Variants in EXOC4 observed in about 807,000 individuals in gnomAD.
EXOC4 encodes exocyst complex component 4, also known as SEC8-like 1.
A neutral mutation model predicts 107.2 loss-of-function variants in EXOC4; 71 were observed. That is an observed-to-expected ratio of 0.66 (90% CI 0.55 to 0.81). The LOEUF (loss-of-function observed/expected upper bound fraction) is 0.81, where lower values mean the gene tolerates loss of function less well. EXOC4 is among the 30% of genes least tolerant of loss of function. The probability of loss-of-function intolerance (pLI) is 0.00; values close to 1 mark genes in which losing one functional copy is unlikely to be tolerated. For missense variants in EXOC4, 1,108 were observed against 1,189.6 expected (o/e 0.93, Z 1.01); for synonymous variants, 456 against 441.2 (o/e 1.03, Z -0.42).
chr7:133,917,170 A>C (rs567452355), intron 12 of EXOC4, among the ~76,000 whole-genome samples: 1 of 152,216 alleles, frequency 6.6e-6, no homozygotes, highest in Non-Finnish European at 1.5e-5. Flanking sequence ...TCCAGAGTAC[A>C]ACCTTTTGTA....
chr7:133,703,007 T>G (rs1794698561), intron 10 of EXOC4, among the ~76,000 whole-genome samples: 1 of 152,268 alleles, frequency 6.6e-6, no homozygotes, highest in Non-Finnish European at 1.5e-5. Context: ...TCATTATCAA[T>G]GTTAAATTTC....
intron 9 of EXOC4, among the ~76,000 whole-genome samples, chr7:133,512,290 C>T (rs1799784067): frequency 6.6e-6 from 1 of 152,016 alleles, no homozygotes; most frequent in Non-Finnish European, 1.5e-5. Flanking sequence ...ATTAGCCAGG[C>T]GTGGTGGCTC....
At chr7:134,073,230 A>AAAAAC in the EXOC4 span, among the ~76,000 whole-genome samples, 19 of 18,418 alleles carry the variant, frequency 1.0e-3, no homozygotes, top group African/African-American at 3.5e-3. Flanking sequence ...AAAAAAAAAA[A>AAAAAC]AACAACAAAG....
intron 5 of EXOC4, among the ~76,000 whole-genome samples, chr7:133,351,128 G>T: frequency 6.6e-6 from 1 of 151,860 alleles, no homozygotes; most frequent in Non-Finnish European, 1.5e-5. Context: ...TTTTGTTGAG[G>T]ATTTTTACAT....
Position 134,004,938 on chromosome 7 carries a change from C to A in EXOC4, c.2375C>A (p.Pro792His). 6.2e-7 allele frequency: 1 copy of A among 1,613,270 alleles called. No homozygotes were observed. The highest frequency in any genetic ancestry group is 1.3e-5 in the African/African-American group (1 of 74,974). ...GTTCACTGTTTCCACTATCTTATCCCTCTTGCAAAGGAGGGGAACTATGCC... is the reference window on the plus strand; with the variant it reads ...GTTCACTGTTTCCACTATCTTATCCATCTTGCAAAGGAGGGGAACTATGCC... Reference protein sequence around the residue: ...VRVHCFHYLIPLAKEGNYAIV... With the variant: ...VRVHCFHYLIHLAKEGNYAIV... The change falls in exon 16 of 18, where the codon CCT (proline) becomes CAT (histidine). Residue 792 changes from proline to histidine, a missense_variant. Pro to His is a moderately conservative substitution (Grantham distance 77). Coordinates refer to ENST00000253861, the MANE Select transcript of EXOC4 (RefSeq NM_021807.4).
chr7:133,439,262 G>T (rs1321774002), intron 7 of EXOC4, among the ~76,000 whole-genome samples: 1 of 131,570 alleles, frequency 7.6e-6, no homozygotes, highest in African/African-American at 2.9e-5. Flanking sequence ...TCGGCTTACT[G>T]CAACCTCCGC....
At chr7:133,845,436 T>C (rs1278353128) in intron 11 of EXOC4, among the ~76,000 whole-genome samples, 1 of 148,250 alleles carries the variant, frequency 6.7e-6, no homozygotes, top group Non-Finnish European at 1.5e-5. Flanking sequence ...ATATACTAGA[T>C]ATATAAGATA....
intron 10 of EXOC4, among the ~76,000 whole-genome samples, chr7:133,812,366 C>T (rs911772401): frequency 1.3e-5 from 2 of 152,154 alleles, no homozygotes; most frequent in African/African-American, 4.8e-5. Context: ...TTACAGAAGA[C>T]ACAAGTAAAG....
chr7:133,712,528 G>A (rs575791782), intron 10 of EXOC4, among the ~76,000 whole-genome samples: 1 of 148,372 alleles, frequency 6.7e-6, no homozygotes, highest in Admixed American at 6.7e-5. Flanking sequence ...CATGATGCAT[G>A]ATGGCAGGTT....
At chr7:133,354,964 T>C (rs1033104777) in intron 5 of EXOC4, among the ~76,000 whole-genome samples, 17 of 152,146 alleles carry the variant, frequency 1.1e-4, no homozygotes, top group Non-Finnish European at 1.9e-4. Context: ...TACTCTGCAG[T>C]CTTCCCAGAA....
intron 7 of EXOC4, among the ~76,000 whole-genome samples, chr7:133,461,938 T>G (rs1439386330): frequency 6.6e-6 from 1 of 152,140 alleles, no homozygotes; most frequent in Non-Finnish European, 1.5e-5. Flanking sequence ...CTGTATGGGT[T>G]TTAATTAGAG....
At chr7:133,423,732 G>A (rs867001815) in intron 7 of EXOC4, among the ~76,000 whole-genome samples, 1 of 152,176 alleles carries the variant, frequency 6.6e-6, no homozygotes, top group African/African-American at 2.4e-5. Context: ...TCCTCTGCTC[G>A]TGGGGAGGTG....
chr7:133,838,458 C>T (rs1276073477), intron 11 of EXOC4, among the ~76,000 whole-genome samples: 1 of 152,164 alleles, frequency 6.6e-6, no homozygotes, highest in East Asian at 1.9e-4. Flanking sequence ...GCAAGCAGCC[C>T]TCTTCTCTGC....
chr7:133,676,903 T>TTATTGGGGG (rs1247542697), intron 10 of EXOC4, among the ~76,000 whole-genome samples: 1 of 149,530 alleles, frequency 6.7e-6, no homozygotes, highest in Non-Finnish European at 1.5e-5. Flanking sequence ...AAAAAATAAA[T>TTATTGGGGG]TATTGGGGGG....
intron 10 of EXOC4, among the ~76,000 whole-genome samples, chr7:133,650,686 C>T (rs1028514992): frequency 6.6e-6 from 1 of 152,048 alleles, no homozygotes; most frequent in African/African-American, 2.4e-5. Context: ...CACTAATAAT[C>T]CTGGCCGACT....
chr7:133,450,954 C>A (rs181561273), intron 7 of EXOC4, among the ~76,000 whole-genome samples: 88 of 152,094 alleles, frequency 5.8e-4, no homozygotes, highest in Non-Finnish European at 1.3e-4. Flanking sequence ...ATGGTGAGTT[C>A]GGGAGGGCCA....
In EXOC4 at chr7:133,803,060, G is replaced by A. The variant is rs1337650824; in HGVS notation, c.1515-14265G>A. Among the ~76,000 whole-genome samples, 5 of 152,102 alleles carry A rather than the reference G, an allele frequency of 3.3e-5. No homozygotes were observed. The South Asian group carries it at 8.3e-4, about 25-fold the overall frequency. ...TGCAAAACTAACTTTTGTGCTTGTG[G>A]TTATCATGCCTGTTGCCATAATTTT... On this transcript the variant is annotated intron_variant, in intron 10 of 17. Transcript: ENST00000253861.
Position 133,305,976 on chromosome 7 carries a change from G to T in EXOC4, c.571G>T (p.Val191Phe). 6.2e-7 allele frequency: 1 copy of T among 1,613,922 alleles called. No homozygotes were observed. Among genetic ancestry groups the T allele is most frequent in the Non-Finnish European group, 8.5e-7 (1 of 1,179,916 alleles). Reference protein sequence around the residue: ...LHSKKMNLHLVLIDELHRHLY... With the variant: ...LHSKKMNLHLFLIDELHRHLY... ...CAGCAAGAAGATGAACCTTCACTTG[G>T]TTCTCATAGATGAACTACACCGGCA... is the stretch of plus-strand genomic sequence containing the variant. The change falls in exon 4 of 18, where the codon GTT becomes TTT. Residue 191 changes from valine to phenylalanine, a missense_variant. Physicochemically the swap from Val to Phe is conservative, Grantham distance 50. Coordinates refer to ENST00000253861, the MANE Select transcript of EXOC4 (RefSeq NM_021807.4).
At chr7:133,619,835 A>C (rs1006877141) in intron 9 of EXOC4, among the ~76,000 whole-genome samples, 4 of 152,178 alleles carry the variant, frequency 2.6e-5, no homozygotes, top group African/African-American at 9.7e-5. Flanking sequence ...TGCTGTAGCC[A>C]TCATCTGTTA....
Sources: allele counts gnomAD v4.1 joint callset (sites outside exome capture counted in the v4.1 genomes callset), GRCh38; gene constraint gnomAD v4.1.1; transcripts MANE v1.5; gene names NCBI Gene and HGNC (gene_info 2026-07-23, HGNC 2026-07-21).